Variants in RIMBP2 observed in about 807,000 individuals in gnomAD.
The protein encoded by RIMBP2 is RIMS-binding protein 2.
A neutral mutation model predicts 118.6 loss-of-function variants in RIMBP2; 48 were observed. The ratio of observed to expected loss-of-function variants is 0.40; its 90% CI spans 0.32 to 0.51. RIMBP2 has a LOEUF of 0.51. Among genes scored for constraint, RIMBP2 ranks in the 20% least tolerant of loss-of-function variants. The pLI, the probability that RIMBP2 is intolerant of heterozygous loss-of-function variation, is 0.41. For missense variants in RIMBP2, 1,551 were observed against 1,768.3 expected (o/e 0.88, Z 2.20); for synonymous variants, 762 against 742.9 (o/e 1.03, Z -0.42).
intron 1 of RIMBP2, among the ~76,000 whole-genome samples, chr12:130,678,896 G>A (rs1594192329): frequency 6.6e-6 from 1 of 152,274 alleles, no homozygotes; most frequent in Non-Finnish European, 1.5e-5. Flanking sequence ...TAGTCAGCGG[G>A]GGCTTGGAGT....
chr12:130,611,201 G>A (rs898108983), intron 2 of RIMBP2, among the ~76,000 whole-genome samples: 1 of 152,206 alleles, frequency 6.6e-6, no homozygotes, highest in African/African-American at 2.4e-5. Flanking sequence ...ACAGGGACCG[G>A]GAACCGCCGC....
At chr12:130,477,206 C>T (rs1351683628) in intron 5 of RIMBP2, among the ~76,000 whole-genome samples, 1 of 152,180 alleles carries the variant, frequency 6.6e-6, no homozygotes, top group Non-Finnish European at 1.5e-5. Flanking sequence ...CAGAAGAGAT[C>T]GTGGACGCGG....
At chr12:130,643,089 C>T (rs906412066) in intron 1 of RIMBP2, among the ~76,000 whole-genome samples, 4 of 152,254 alleles carry the variant, frequency 2.6e-5, no homozygotes, top group Non-Finnish European at 5.9e-5. Flanking sequence ...CCTGGCTCAG[C>T]TGGCTGTGCT....
Position 130,431,464 on chromosome 12 carries a change from T to C in RIMBP2, c.2254-3127A>G, listed in dbSNP as rs1368200089. ...AGACGCCATCTGTATGATTAATGAA[T>C]GTATTCTTTGAATTGAATCAATATT... On this transcript the variant is annotated intron_variant, in intron 14 of 22. Coordinates refer to ENST00000690449, the MANE Select transcript of RIMBP2 (RefSeq NM_001393629.1). This position sits in a 1 kb window ranked among gnomAD's most constrained non-coding sequence, Gnocchi z 4.0. The C allele has an allele frequency of 5.0e-6, 2 of 399,556 alleles. No homozygotes were observed. The highest frequency in any genetic ancestry group is 1.0e-5 in the Non-Finnish European group (2 of 193,066). The allele number at this position is 399,556 out of a possible 1,614,324, so 24.8% of individuals were successfully genotyped here.
At chr12:130,519,028 G>A (rs926071457) in intron 2 of RIMBP2, among the ~76,000 whole-genome samples, 3 of 152,240 alleles carry the variant, frequency 2.0e-5, no homozygotes, top group African/African-American at 7.2e-5. Context: ...GAAGGCAGCT[G>A]GAACCACACC....
At position 130,436,854 on chromosome 12, in the gene RIMBP2, G is replaced by A. The variant is rs368176102; in HGVS notation, c.2094C>T (p.Ala698=). ...GCCCCAGCCTTACCCTGCTGCTCTC[G>A]GCCACCCTCTGCGCGGCCTCCCGGG... is the stretch of plus-strand genomic sequence containing the variant. The part of the protein sequence containing the change: ...AMAREAAQRV[A]ESSRLEKRSV... The change falls in exon 13 of 23, where the codon GCC becomes GCT. Residue 698 remains alanine, a synonymous_variant. Coordinates refer to ENST00000690449, the MANE Select transcript of RIMBP2 (RefSeq NM_001393629.1). 290 of 1,478,242 alleles carry A rather than the reference G, an allele frequency of 2.0e-4. No homozygotes were observed. The highest frequency in any genetic ancestry group is 2.5e-4 in the Non-Finnish European group (278 of 1,115,958). The allele number at this position is 1,478,242 out of a possible 1,614,324, so 91.6% of individuals were successfully genotyped here. A position where few individuals can be genotyped will look rare whatever the true frequency, so the allele number is the denominator to read the frequency against.
chr12:130,643,347 C>T (rs1286364680), intron 1 of RIMBP2, among the ~76,000 whole-genome samples: 1 of 152,160 alleles, frequency 6.6e-6, no homozygotes, highest in Non-Finnish European at 1.5e-5. Flanking sequence ...AGGTGAGCCC[C>T]ACAAGCGACC....
chr12:130,472,950 T>C (rs551819086), intron 5 of RIMBP2, among the ~76,000 whole-genome samples: 8 of 151,770 alleles, frequency 5.3e-5, no homozygotes, highest in Admixed American at 3.3e-4. Flanking sequence ...AGAGCAACAA[T>C]AAATAGCAAA....
chr12:130,411,502 T>C (rs138392819), intron 19 of RIMBP2, among the ~76,000 whole-genome samples: 1,534 of 152,256 alleles, frequency 0.01, 82 homozygotes, highest in Admixed American at 0.087. Flanking sequence ...AGGGGGCACA[T>C]AGATATATCA....
At chr12:130,487,323 C>CG (rs1412126140) in intron 4 of RIMBP2, among the ~76,000 whole-genome samples, 1 of 151,784 alleles carries the variant, frequency 6.6e-6, no homozygotes, top group African/African-American at 2.4e-5. Context: ...GTCTGGGTCA[C>CG]GGGGGCATAG....
intron 2 of RIMBP2, among the ~76,000 whole-genome samples, chr12:130,595,725 G>A (rs7974466): frequency 0.14 from 21,202 of 152,132 alleles, 1,932 homozygotes; most frequent in East Asian, 0.36. Context: ...AAGCTCCTCC[G>A]GGAGACTTTT....
chr12:130,428,288 G>A lies in RIMBP2; in HGVS notation c.2303C>T (p.Ser768Phe). ...DEYHTESSRG[S>F]DLSDIMEEDE... ...CTCCTCCATGATGTCTGAGAGGTCA[G>A]ACCCCCGGCTGCTCTCTGTGTGGTA... Residue 768 changes from serine (S) to phenylalanine (F), a missense_variant, in exon 15 of 23, where the codon TCT becomes TTT. Physicochemically the swap from Ser to Phe is radical, Grantham distance 155 (BLOSUM62 -2). Coordinates refer to ENST00000690449, the MANE Select transcript of RIMBP2 (RefSeq NM_001393629.1). 6.2e-7 allele frequency: 1 copy of A among 1,613,134 alleles called. No individual in the cohort carries two copies.
intron 1 of RIMBP2, among the ~76,000 whole-genome samples, chr12:130,680,417 T>C (rs2064723346): frequency 6.6e-6 from 1 of 152,172 alleles, no homozygotes; most frequent in South Asian, 2.1e-4. Context: ...GATGGTGTCA[T>C]GTTGTTCAGT....
intron 1 of RIMBP2, among the ~76,000 whole-genome samples, chr12:130,677,480 T>C (rs1403446559): frequency 6.6e-6 from 1 of 151,876 alleles, no homozygotes; most frequent in Non-Finnish European, 1.5e-5. Flanking sequence ...ATACAAAAAT[T>C]AGCTCAGGGT....
chr12:130,412,246 GC>G (rs34371342), intron 19 of RIMBP2, among the ~76,000 whole-genome samples: 2 of 152,094 alleles, frequency 1.3e-5, no homozygotes, highest in African/African-American at 2.4e-5. Context: ...AGGCATAGCG[GC>G]CCCCCAACCA....
chr12:130,566,427 A>G (rs1210979860), intron 2 of RIMBP2, among the ~76,000 whole-genome samples: 1 of 152,234 alleles, frequency 6.6e-6, no homozygotes, highest in Non-Finnish European at 1.5e-5. Context: ...CTAACAGAAT[A>G]GAGAAGCTGT....
intron 2 of RIMBP2, among the ~76,000 whole-genome samples, chr12:130,560,477 C>A (rs2056733821): frequency 6.6e-6 from 1 of 152,128 alleles, no homozygotes; most frequent in Non-Finnish European, 1.5e-5. Context: ...CGGTAGTGAC[C>A]ACCCAAAATG....
chr12:130,485,332 C>T (rs2082383969), intron 4 of RIMBP2, among the ~76,000 whole-genome samples: 1 of 152,266 alleles, frequency 6.6e-6, no homozygotes, highest in Non-Finnish European at 1.5e-5. Context: ...GCAACAGACT[C>T]AGGGAAGCTG....
In RIMBP2 at chr12:130,649,140, G is replaced by A. The variant is rs187077940; in HGVS notation, c.-351-20684C>T. On this transcript the variant is annotated intron_variant, in intron 1 of 22. Coordinates refer to ENST00000690449, the MANE Select transcript of RIMBP2 (RefSeq NM_001393629.1). ...CGGAGGTGGGTATGGAGGTGGGTACGGAGGTGGCAGGAGGAAGCTATGGAC... is the reference window on the plus strand; with the variant it reads ...CGGAGGTGGGTATGGAGGTGGGTACAGAGGTGGCAGGAGGAAGCTATGGAC... 1.0e-3 allele frequency among the ~76,000 whole-genome samples: 150 copies of A among 145,974 alleles called. 8 individuals carry two copies. The highest frequency in any genetic ancestry group is 3.6e-3 in the African/African-American group (148 of 40,884).
Sources: gnomAD v4.1 joint callset for allele counts (sites outside exome capture counted in the v4.1 genomes callset) on GRCh38, gnomAD v4.1.1 for gene constraint, Gnocchi (gnomAD v3.1) non-coding constraint, MANE v1.5 for transcripts, NCBI Gene and HGNC (gene_info 2026-07-23, HGNC 2026-07-21) for gene names.